CABCOCO1: variants seen among roughly 807,000 people sequenced by gnomAD.
The protein encoded by CABCOCO1 is ciliary-associated calcium-binding coiled-coil protein 1.
Under a neutral mutation model 35.7 loss-of-function variants are expected in CABCOCO1, and 28 were observed. The observed-to-expected ratio is 0.78, with a 90% CI of 0.58 to 1.07. The LOEUF (loss-of-function observed/expected upper bound fraction) is 1.07, where lower values mean the gene tolerates loss of function less well. Ranked by LOEUF, CABCOCO1 falls within the 50% of genes least tolerant of loss-of-function variation. The pLI is 0.00. For synonymous variants in CABCOCO1, 95 were observed against 100.1 expected, an observed-to-expected ratio of 0.95 and a Z score of 0.30; for missense variants, 326 against 309.2, an observed-to-expected ratio of 1.05 and a Z score of -0.41.
chr10:61,744,576 A>G (rs1266379314), intron 5 of CABCOCO1, among the ~76,000 whole-genome samples: 1 of 152,160 alleles, frequency 6.6e-6, no homozygotes, highest in Non-Finnish European at 1.5e-5. Context: ...GCCAGGTGGT[A>G]GTTCTCAAAT....
At chr10:61,756,097 G>A (rs146896076) in intron 5 of CABCOCO1, among the ~76,000 whole-genome samples, 205 of 151,968 alleles carry the variant, frequency 1.3e-3, no homozygotes, top group African/African-American at 4.7e-3. Context: ...ATAACGTTTG[G>A]CAATGAAATT....
chr10:61,703,227 GACACAC>G (rs35152499), intron 5 of CABCOCO1, among the ~76,000 whole-genome samples: 4,251 of 141,536 alleles, frequency 0.03, 75 homozygotes, highest in Middle Eastern at 0.039. Flanking sequence ...CTTGTGAGGA[GACACAC>G]ACACACACAC....
rs371655073 is a variant in CABCOCO1 at position 61,678,851 on chromosome 10, G to T, written c.165-2292G>T. ...TACCAAATGGCATTATGGCAAGGGG[G>T]TGAAATTAGTATGATTAGCTTAGAA... On this transcript the variant is annotated intron_variant, in intron 2 of 7. Transcript: ENST00000648843. Among the ~76,000 whole-genome samples, 6 of 152,168 alleles carry T rather than the reference G, an allele frequency of 3.9e-5. No homozygotes were observed. In the South Asian group the frequency reaches 1.0e-3, roughly 26 times the overall value.
chr10:61,666,571 ATTT>A (rs969047428), intron 1 of CABCOCO1, among the ~76,000 whole-genome samples: 1 of 152,142 alleles, frequency 6.6e-6, no homozygotes, highest in African/African-American at 2.4e-5. Context: ...TTACTGTCTT[ATTT>A]AAGAAGTCCT....
At chr10:61,761,499 C>G (rs943277274) in intron 7 of CABCOCO1, among the ~76,000 whole-genome samples, 1 of 151,942 alleles carries the variant, frequency 6.6e-6, no homozygotes, top group South Asian at 2.1e-4. Context: ...TGGCAGCAGC[C>G]GTATGAATAG....
intron 5 of CABCOCO1, among the ~76,000 whole-genome samples, chr10:61,724,987 C>A (rs1841110413): frequency 6.6e-6 from 1 of 152,262 alleles, no homozygotes; most frequent in Admixed American, 6.5e-5. Flanking sequence ...TACCGAATAT[C>A]TTTTTCTTAT....
In CABCOCO1 at chr10:61,672,715, G is replaced by A; in HGVS notation, c.144G>A (p.Glu48=). Residue 48 remains glutamate (E), a synonymous_variant, in exon 2 of 8, where the codon GAG becomes GAA. Transcript: ENST00000648843. ...CCCAAATCACTGATTTGTTAATGGA[G>A]GACATCGATGGAGTTCAAGAGTAAG... ...SVAQITDLLM[E]DIDGVQEKLR... is the part of the protein sequence containing the mutation. The A allele has an allele frequency of 1.0e-6, 1 of 985,348 alleles. No individual in the cohort carries two copies. Among genetic ancestry groups the A allele is most frequent in the Non-Finnish European group, 1.2e-6 (1 of 829,886 alleles). 61.0% of individuals were successfully genotyped at this position (985,348 alleles called of 1,614,324 possible).
chr10:61,669,228 T>G (rs750862010), intron 1 of CABCOCO1, among the ~76,000 whole-genome samples: 1 of 151,814 alleles, frequency 6.6e-6, no homozygotes, highest in African/African-American at 2.4e-5. Context: ...AAAAAATATA[T>G]ACAAATGTGA....
intron 2 of CABCOCO1, among the ~76,000 whole-genome samples, chr10:61,673,906 T>C (rs772778499): frequency 2.2e-4 from 34 of 152,242 alleles, no homozygotes; most frequent in Non-Finnish European, 4.6e-4. Flanking sequence ...TGATCTGCAA[T>C]ACCACTGATC....
chr10:61,752,972 G>A (rs1342217436), intron 5 of CABCOCO1, among the ~76,000 whole-genome samples: 1 of 152,126 alleles, frequency 6.6e-6, no homozygotes, highest in Non-Finnish European at 1.5e-5. Flanking sequence ...TCAACAGGAA[G>A]TGCATGAAAA....
intron 5 of CABCOCO1, among the ~76,000 whole-genome samples, chr10:61,705,947 C>A (rs1033920381): frequency 6.6e-6 from 1 of 152,194 alleles, no homozygotes; most frequent in Non-Finnish European, 1.5e-5. Flanking sequence ...GTATCAAAGA[C>A]AACCATGAAT....
At position 61,662,956 on chromosome 10, in the gene CABCOCO1, C is replaced by T. The variant is rs1564525780; in HGVS notation, c.-17C>T. ...CTAGGTGACGAGGGGCCGCTTCTCTCGGCCGAGATTGCGGCGATGTCGCAG... is the reference window on the plus strand; with the variant it reads ...CTAGGTGACGAGGGGCCGCTTCTCTTGGCCGAGATTGCGGCGATGTCGCAG... On this transcript the variant is annotated 5_prime_UTR_variant, in exon 1 of 8. Coordinates refer to ENST00000648843, the MANE Select transcript of CABCOCO1 (RefSeq NM_001366906.2). 2.5e-6 allele frequency: 1 copy of T among 394,314 alleles called. No individual in the cohort carries two copies. Among genetic ancestry groups the T allele is most frequent in the Non-Finnish European group, 5.3e-6 (1 of 188,450 alleles). 24.4% of individuals were successfully genotyped at this position (394,314 alleles called of 1,614,324 possible).
At chr10:61,747,234 T>A (rs1841682778) in intron 5 of CABCOCO1, among the ~76,000 whole-genome samples, 1 of 106,888 alleles carries the variant, frequency 9.4e-6, no homozygotes, top group Non-Finnish European at 2.1e-5. Flanking sequence ...AAACTGGTAT[T>A]TTTTAGATAA....
chr10:61,750,942 G>A (rs1391624668), intron 5 of CABCOCO1, among the ~76,000 whole-genome samples: 1 of 152,118 alleles, frequency 6.6e-6, no homozygotes, highest in Non-Finnish European at 1.5e-5. Flanking sequence ...CCACACAATG[G>A]CGAGAAATCA....
chr10:61,724,176 A>C (rs752459608), intron 5 of CABCOCO1, among the ~76,000 whole-genome samples: 5 of 152,240 alleles, frequency 3.3e-5, no homozygotes, highest in Non-Finnish European at 7.4e-5. Context: ...TAACAAAAGA[A>C]GCATACTTTC....
chr10:61,707,972 A>G (rs1840634792), intron 5 of CABCOCO1, among the ~76,000 whole-genome samples: 1 of 152,042 alleles, frequency 6.6e-6, no homozygotes. Flanking sequence ...CTACAAAATA[A>G]GGGGACTAAT....
At chr10:61,712,506 T>A (rs539225225) in intron 5 of CABCOCO1, among the ~76,000 whole-genome samples, 61 of 152,326 alleles carry the variant, frequency 4.0e-4, no homozygotes, top group African/African-American at 1.4e-3. Context: ...CACTTTAGTT[T>A]AATTAGATCC....
chr10:61,668,816 CA>C (rs1016616562), intron 1 of CABCOCO1, among the ~76,000 whole-genome samples: 12 of 146,236 alleles, frequency 8.2e-5, no homozygotes, highest in African/African-American at 2.8e-4. Context: ...AAGGAAGTGC[CA>C]AAAAACTCAG....
chr10:61,680,217 A>T (rs1404810477), intron 2 of CABCOCO1, among the ~76,000 whole-genome samples: 1 of 150,382 alleles, frequency 6.6e-6, no homozygotes, highest in Non-Finnish European at 1.5e-5. Context: ...GAGGCTGAGG[A>T]AGAAGAATCG....
Sources: allele counts gnomAD v4.1 joint callset (sites outside exome capture counted in the v4.1 genomes callset), GRCh38; gene constraint gnomAD v4.1.1; transcripts MANE v1.5; gene names NCBI Gene and HGNC (gene_info 2026-07-23, HGNC 2026-07-21).